Variants in NAALADL2 observed in about 807,000 individuals in gnomAD.
NAALADL2 encodes N-acetylated alpha-linked acidic dipeptidase like 2.
Under a neutral mutation model 87.2 loss-of-function variants are expected in NAALADL2, and 76 were observed. That is an observed-to-expected ratio of 0.87 (90% CI 0.72 to 1.05). NAALADL2 has a LOEUF of 1.05. NAALADL2 is among the 50% of genes least tolerant of loss of function. The pLI, the probability that NAALADL2 is intolerant of heterozygous loss-of-function variation, is 0.00. For missense variants in NAALADL2, 1,089 were observed against 945.8 expected (o/e 1.15, Z -1.99); for synonymous variants, 354 against 331.0 (o/e 1.07, Z -0.75).
chr3:174,968,432 A>G (rs974302952), intron 1 of NAALADL2, among the ~76,000 whole-genome samples: 1 of 152,186 alleles, frequency 6.6e-6, no homozygotes, highest in African/African-American at 2.4e-5. Flanking sequence ...AAATAAGGAA[A>G]CACAACTAGT....
intron 1 of NAALADL2, among the ~76,000 whole-genome samples, chr3:174,466,172 T>G (rs912463934): frequency 1.3e-5 from 2 of 152,206 alleles, no homozygotes; most frequent in African/African-American, 2.4e-5. Context: ...CACATTCCAT[T>G]GGTTAGAACA....
At chr3:174,597,955 T>G (rs1314922299) in intron 2 of NAALADL2, among the ~76,000 whole-genome samples, 1 of 152,156 alleles carries the variant, frequency 6.6e-6, no homozygotes, top group South Asian at 2.1e-4. Context: ...CTTTCTCTCT[T>G]GTATTGTAGA....
At chr3:175,192,865 G>T (rs1254746216) in intron 2 of NAALADL2, among the ~76,000 whole-genome samples, 1 of 151,484 alleles carries the variant, frequency 6.6e-6, no homozygotes, top group Non-Finnish European at 1.5e-5. Context: ...ATTTTGATCA[G>T]TTTAAAATTT....
intron 1 of NAALADL2, among the ~76,000 whole-genome samples, chr3:175,050,232 T>A (rs1488852793): frequency 6.6e-6 from 1 of 152,152 alleles, no homozygotes; most frequent in Non-Finnish European, 1.5e-5. Flanking sequence ...TAAATAATTA[T>A]CTTACTTGAT....
intron 11 of NAALADL2, among the ~76,000 whole-genome samples, chr3:175,667,257 G>GAA (rs201067268): frequency 7.1e-6 from 1 of 140,974 alleles, no homozygotes; most frequent in African/African-American, 3.0e-5. Context: ...AAGAAAGAAA[G>GAA]AAAGAAAGGA....
intron 4 of NAALADL2, among the ~76,000 whole-genome samples, chr3:175,321,031 C>G (rs1396303423): frequency 2.0e-5 from 3 of 150,922 alleles, no homozygotes; most frequent in Non-Finnish European, 4.4e-5. Context: ...GAGACACAAC[C>G]AAAAAAGAGA....
Position 175,188,795 on chromosome 3 carries a change from G to A in NAALADL2, c.546-45136G>A, listed in dbSNP as rs531232590. Among the ~76,000 whole-genome samples, 15 of 152,052 alleles carry A rather than the reference G, an allele frequency of 9.9e-5. No individual in the cohort carries two copies. The South Asian group carries it at 2.5e-3, about 25-fold the overall frequency. ...ACTCTTGCTGCGTCCTCCCAAAGTC[G>A]CCATTGTGTGGTACCCCAATCCCCT... On this transcript the variant is annotated intron_variant, in intron 2 of 13. Coordinates refer to ENST00000454872, the MANE Select transcript of NAALADL2 (RefSeq NM_207015.3).
intron 1 of NAALADL2, among the ~76,000 whole-genome samples, chr3:174,469,422 T>C (rs1716757285): frequency 1.3e-5 from 2 of 150,800 alleles, no homozygotes; most frequent in African/African-American, 4.9e-5. Context: ...CACGGCTGGC[T>C]AATTTTTTTT....
chr3:175,182,355 TATTA>T (rs756702007), intron 2 of NAALADL2, among the ~76,000 whole-genome samples: 3 of 151,952 alleles, frequency 2.0e-5, no homozygotes, highest in Admixed American at 6.6e-5. Context: ...ATCTTTTCTC[TATTA>T]ATTGTTTCTT....
intron 1 of NAALADL2, among the ~76,000 whole-genome samples, chr3:175,003,836 G>T (rs1412736558): frequency 6.6e-6 from 1 of 152,162 alleles, no homozygotes; most frequent in African/African-American, 2.4e-5. Flanking sequence ...TGTGTAATGG[G>T]CTTGCTGAAG....
intron 13 of NAALADL2, among the ~76,000 whole-genome samples, chr3:175,785,659 A>C (rs1381898228): frequency 6.7e-5 from 9 of 133,652 alleles, no homozygotes; most frequent in Non-Finnish European, 1.6e-5. Context: ...TCTTTATCCA[A>C]TTTGCCAGTC....
intron 2 of NAALADL2, among the ~76,000 whole-genome samples, chr3:175,231,272 T>A (rs1744896812): frequency 6.7e-6 from 1 of 148,748 alleles, no homozygotes; most frequent in Non-Finnish European, 1.5e-5. Context: ...TTCTTGGGGC[T>A]TTGATAATAT....
At chr3:174,575,100 C>G (rs920043171) in intron 2 of NAALADL2, among the ~76,000 whole-genome samples, 3 of 151,920 alleles carry the variant, frequency 2.0e-5, no homozygotes, top group Admixed American at 1.3e-4. Context: ...ATGGTTTTAA[C>G]AAAGTGATTG....
intron 3 of NAALADL2, among the ~76,000 whole-genome samples, chr3:174,750,731 G>A (rs1734742951): frequency 6.6e-6 from 1 of 152,098 alleles, no homozygotes; most frequent in Non-Finnish European, 1.5e-5. Flanking sequence ...ACCGCACCCG[G>A]CCTATTATTC....
chr3:175,135,316 T>C (rs953728087), intron 2 of NAALADL2, among the ~76,000 whole-genome samples: 1 of 152,184 alleles, frequency 6.6e-6, no homozygotes, highest in African/African-American at 2.4e-5. Context: ...TGATAATTCA[T>C]TGTGTTGGGA....
intron 2 of NAALADL2, among the ~76,000 whole-genome samples, chr3:174,691,437 C>CAAA (rs71759755): frequency 0.016 from 2,370 of 148,286 alleles, 42 homozygotes; most frequent in African/African-American, 0.051. Flanking sequence ...ATAAAACCCA[C>CAAA]AAAAAAAAAA....
intron 3 of NAALADL2, among the ~76,000 whole-genome samples, chr3:175,239,315 A>G (rs570269343): frequency 3.6e-4 from 55 of 152,318 alleles, no homozygotes; most frequent in African/African-American, 1.3e-3. Flanking sequence ...TTTTTCTTAA[A>G]AGGTAAATAT....
intron 1 of NAALADL2, among the ~76,000 whole-genome samples, chr3:174,898,096 G>A (rs1424900489): frequency 1.2e-5 from 1 of 83,354 alleles, no homozygotes; most frequent in Non-Finnish European, 1.9e-5. Flanking sequence ...CTGGGTGACA[G>A]AGCGAGACTC....
intron 1 of NAALADL2, among the ~76,000 whole-genome samples, chr3:174,899,185 A>C (rs1731999181): frequency 6.6e-6 from 1 of 152,176 alleles, no homozygotes; most frequent in African/African-American, 2.4e-5. Flanking sequence ...TTATTAACTA[A>C]ATTTTATGCT....
Sources: allele counts gnomAD v4.1 joint callset (sites outside exome capture counted in the v4.1 genomes callset), GRCh38; gene constraint gnomAD v4.1.1; transcripts MANE v1.5; gene names NCBI Gene and HGNC (gene_info 2026-07-23, HGNC 2026-07-21).